Variants in TWSG1 observed in about 807,000 individuals in gnomAD.
TWSG1 encodes twisted gastrulation protein homolog 1.
In TWSG1, 15 loss-of-function variants were observed where a neutral mutation model predicts 23.0. The ratio of observed to expected loss-of-function variants is 0.65; its 90% CI spans 0.44 to 1.00. The LOEUF (loss-of-function observed/expected upper bound fraction) is 1.00, where lower values mean the gene tolerates loss of function less well. Among genes scored for constraint, TWSG1 ranks in the 50% least tolerant of loss-of-function variants. The probability of loss-of-function intolerance (pLI) is 0.00; values close to 1 mark genes in which losing one functional copy is unlikely to be tolerated. For synonymous variants in TWSG1, 86 were observed against 92.8 expected, an observed-to-expected ratio of 0.93 and a Z score of 0.42; for missense variants, 242 against 278.7, an observed-to-expected ratio of 0.87 and a Z score of 0.94.
intron 3 of TWSG1, among the ~76,000 whole-genome samples, chr18:9,368,875 G>A (rs1338418683): frequency 6.6e-6 from 1 of 152,058 alleles, no homozygotes; most frequent in African/African-American, 2.4e-5. Flanking sequence ...TTGAGCCTGG[G>A]AGGTGAAGTT....
At chr18:9,383,640 T>A (rs1005920342) in intron 3 of TWSG1, among the ~76,000 whole-genome samples, 1 of 152,170 alleles carries the variant, frequency 6.6e-6, no homozygotes, top group Non-Finnish European at 1.5e-5. Flanking sequence ...GCAGTGGAAA[T>A]GGTGGCACTC....
At chr18:9,339,832 C>T (rs1239933072) in intron 2 of TWSG1, among the ~76,000 whole-genome samples, 1 of 151,632 alleles carries the variant, frequency 6.6e-6, no homozygotes, top group Admixed American at 6.6e-5. Context: ...AAACAAAATA[C>T]TTCAAAATGT....
intron 3 of TWSG1, among the ~76,000 whole-genome samples, chr18:9,389,273 G>A (rs2040700433): frequency 6.6e-6 from 1 of 152,082 alleles, no homozygotes; most frequent in Admixed American, 6.6e-5. Flanking sequence ...ACTGCACCCG[G>A]CCACTAATTT....
chr18:9,337,080 A>C (rs2040426542), intron 1 of TWSG1, 113 bp from the exon 2 acceptor site: 1 of 983,754 alleles, frequency 1.0e-6, no homozygotes, highest in Admixed American at 2.3e-5. Context: ...AAAAAGAAAG[A>C]AAAAGTATAT....
intron 2 of TWSG1, among the ~76,000 whole-genome samples, chr18:9,354,425 A>G (rs2040515718): frequency 6.6e-6 from 1 of 152,232 alleles, no homozygotes; most frequent in African/African-American, 2.4e-5. Context: ...TGTTCCATTC[A>G]ACTGAGCAGA....
At chr18:9,358,620 G>A (rs576841988) in intron 2 of TWSG1, among the ~76,000 whole-genome samples, 1 of 151,984 alleles carries the variant, frequency 6.6e-6, no homozygotes, top group Non-Finnish European at 1.5e-5. Flanking sequence ...CAGGCTTCTG[G>A]GAATCAGGCT....
In TWSG1 at chr18:9,399,481, T is replaced by C. The variant is rs372753158; in HGVS notation, c.626T>C (p.Ile209Thr). The C allele has an allele frequency of 1.9e-6, 3 of 1,612,088 alleles. No homozygotes were observed. The highest frequency in any genetic ancestry group is 2.2e-5 in the East Asian group (1 of 44,868). ...TGCGAGTGCATTGGTCCAGAATGTA[T>C]TGACTATGGTAGTAAAACTGTCAAA... The part of the protein sequence containing the change: ...ACCECIGPEC[I>T]DYGSKTVKCM... The change falls in exon 5 of 5, where the codon ATT becomes ACT. Residue 209 changes from isoleucine to threonine, a missense_variant. Physicochemically the swap from Ile to Thr is moderately conservative, Grantham distance 89 (BLOSUM62 -1). Transcript: ENST00000262120.
chr18:9,383,357 C>T (rs1238302481), intron 3 of TWSG1, among the ~76,000 whole-genome samples: 3 of 151,878 alleles, frequency 2.0e-5, no homozygotes, highest in Non-Finnish European at 4.4e-5. Flanking sequence ...CCACACCCAG[C>T]TAATTTTTGT....
intron 3 of TWSG1, among the ~76,000 whole-genome samples, chr18:9,381,602 T>C (rs1278420831): frequency 6.6e-6 from 1 of 152,166 alleles, no homozygotes; most frequent in African/African-American, 2.4e-5. Flanking sequence ...TATTAACATA[T>C]ATGTATTTCT....
intron 2 of TWSG1, among the ~76,000 whole-genome samples, chr18:9,352,603 T>C (rs560418663): frequency 5.1e-4 from 77 of 152,310 alleles, no homozygotes; most frequent in African/African-American, 1.8e-3. Flanking sequence ...AACCAGATCT[T>C]GTAAGTCCAA....
At chr18:9,382,995 A>G (rs917304616) in intron 3 of TWSG1, among the ~76,000 whole-genome samples, 3 of 152,090 alleles carry the variant, frequency 2.0e-5, no homozygotes, top group Non-Finnish European at 4.4e-5. Context: ...ATGACTAAAT[A>G]TACAAGTTTG....
intron 2 of TWSG1, among the ~76,000 whole-genome samples, chr18:9,356,250 C>T (rs2040526466): frequency 6.6e-6 from 1 of 152,170 alleles, no homozygotes; most frequent in Non-Finnish European, 1.5e-5. Flanking sequence ...TGTAAAAGTG[C>T]AGGACAGGCA....
Position 9,376,007 on chromosome 18 carries a change from C to T in TWSG1, c.223+15936C>T, listed in dbSNP as rs189399987. Among the ~76,000 whole-genome samples, 599 of 152,124 alleles carry T rather than the reference C, an allele frequency of 3.9e-3. 3 individuals carry two copies. The highest frequency in any genetic ancestry group is 0.017 in the Middle Eastern group (5 of 294). On this transcript the variant is annotated intron_variant, in intron 3 of 4. Coordinates refer to ENST00000262120, the MANE Select transcript of TWSG1 (RefSeq NM_020648.6). ...TTGGTTCACTGCAACCTCTGCCTCC[C>T]GGGTTCAAGCAATTCTGCTGCCACA...
intron 3 of TWSG1, among the ~76,000 whole-genome samples, chr18:9,383,577 G>A (rs2040669156): frequency 6.6e-6 from 1 of 152,166 alleles, no homozygotes; most frequent in Non-Finnish European, 1.5e-5. Flanking sequence ...TTAGGAGACT[G>A]TTGCAGTAGT....
intron 2 of TWSG1, among the ~76,000 whole-genome samples, chr18:9,338,550 C>A (rs1006967023): frequency 6.6e-6 from 1 of 152,202 alleles, no homozygotes; most frequent in African/African-American, 2.4e-5. Flanking sequence ...TAATATGTAT[C>A]TCTAAAAGAG....
rs2040417909 is a variant in TWSG1 at position 9,335,325 on chromosome 18, A to C, written c.-38+405A>C. 2.0e-5 allele frequency among the ~76,000 whole-genome samples: 3 copies of C among 152,224 alleles called. 1 individual carries two copies. In the South Asian group the frequency reaches 6.2e-4, roughly 31 times the overall value. ...CTCTGCCCTGGTCGCTGTCAGTGCC[A>C]TCTCCCTTAACGAGAAACTTGGGCG... On this transcript the variant is annotated intron_variant, in intron 1 of 4. Coordinates refer to ENST00000262120, the MANE Select transcript of TWSG1 (RefSeq NM_020648.6).
intron 2 of TWSG1, among the ~76,000 whole-genome samples, chr18:9,352,682 A>G (rs2040507334): frequency 6.6e-6 from 1 of 152,224 alleles, no homozygotes; most frequent in Non-Finnish European, 1.5e-5. Context: ...TTATAGCAAC[A>G]GGGTTAACAA....
chr18:9,367,392 G>A (rs6506656), intron 3 of TWSG1, among the ~76,000 whole-genome samples: 23,304 of 152,102 alleles, frequency 0.15, 2,012 homozygotes, highest in Middle Eastern at 0.28. Flanking sequence ...CACCGCTTCT[G>A]TGAGTTCAAC....
At chr18:9,398,083 GCTT>G (rs1275372352) in intron 4 of TWSG1, among the ~76,000 whole-genome samples, 1 of 150,036 alleles carries the variant, frequency 6.7e-6, no homozygotes, top group Non-Finnish European at 1.5e-5. Flanking sequence ...AGGCAAAACA[GCTT>G]CTGTTAAATG....
Sources: gnomAD v4.1 joint callset for allele counts (sites outside exome capture counted in the v4.1 genomes callset) on GRCh38, gnomAD v4.1.1 for gene constraint, MANE v1.5 for transcripts, NCBI Gene and HGNC (gene_info 2026-07-23, HGNC 2026-07-21) for gene names.